The following TNFAIP3 variants were observed in gnomAD, a reference collection of about 807,000 sequenced individuals.
TNFAIP3 encodes tumor necrosis factor alpha-induced protein 3.
A neutral mutation model predicts 72.4 loss-of-function variants in TNFAIP3; 9 were observed. The observed-to-expected ratio is 0.12, with a 90% CI of 0.07 to 0.22. The LOEUF is 0.22. Ranked by LOEUF, TNFAIP3 falls within the 10% of genes least tolerant of loss-of-function variation. The probability of loss-of-function intolerance (pLI) is 1.00; values close to 1 mark genes in which losing one functional copy is unlikely to be tolerated. For synonymous variants in TNFAIP3, 339 were observed against 372.6 expected (o/e 0.91, Z 1.04); for missense variants, 833 against 1,018.7 (o/e 0.82, Z 2.48).
rs915675158 is a variant in TNFAIP3 at position 137,871,111 on chromosome 6, A to T, written c.-15-102A>T. On this transcript the variant is annotated intron_variant, in intron 1 of 8. Transcript: ENST00000612899. The surrounding 1 kb of genome is among the most constrained non-coding windows in gnomAD (Gnocchi z 4.2). Reference sequence around the variant, plus strand: ...AGATCTTTTGCCTACAGATCAGGGTAATGACAAGATCAAACACTGGGGTTT... The same window carrying T: ...AGATCTTTTGCCTACAGATCAGGGTTATGACAAGATCAAACACTGGGGTTT... 9.2e-7 allele frequency: 1 copy of T among 1,084,166 alleles called. No individual in the cohort carries two copies. The highest frequency in any genetic ancestry group is 1.3e-6 in the Non-Finnish European group (1 of 762,118). The allele number at this position is 1,084,166 out of a possible 1,614,324, so 67.2% of individuals were successfully genotyped here. A position where few individuals can be genotyped will look rare whatever the true frequency, so the allele number is the denominator to read the frequency against.
At chr6:137,873,794 C>T (rs1776139417) in intron 2 of TNFAIP3, among the ~76,000 whole-genome samples, 1 of 152,172 alleles carries the variant, frequency 6.6e-6, no homozygotes, top group Non-Finnish European at 1.5e-5. Context: ...TGAAGGAATA[C>T]TGGCTGTGGA....
chr6:137,883,168 CTTA>C lies in TNFAIP3; in HGVS notation c.*1854_*1856del, dbSNP rs1287271748. 3 of 202,162 alleles carry C rather than the reference CTTA, an allele frequency of 1.5e-5. No homozygotes were observed. The highest frequency in any genetic ancestry group is 1.6e-4 in the East Asian group (2 of 12,322). 12.5% of individuals were successfully genotyped at this position (202,162 alleles called of 1,614,324 possible). On this transcript the variant is annotated 3_prime_UTR_variant, in exon 9 of 9. Coordinates refer to ENST00000612899, the MANE Select transcript of TNFAIP3 (RefSeq NM_001270508.2). ...ATGTGAAAAAAAGTAATTATTTATACTTATTATAAAAAGTATTTGAAATTTGCA... is the reference window on the plus strand; with the variant it reads ...ATGTGAAAAAAAGTAATTATTTATACTTATAAAAAGTATTTGAAATTTGCA...
At position 137,878,618 on chromosome 6, in the gene TNFAIP3, C is replaced by T. The variant is rs769627029; in HGVS notation, c.1173C>T (p.Asn391=). Residue 391 remains asparagine, a synonymous_variant, in exon 7 of 9, where the codon AAC becomes AAT. Transcript: ENST00000612899. ...SLMDVKCETP[N]CPFFMSVNTQ... is the part of the protein sequence containing the mutation. The stretch of plus-strand genomic sequence containing the variant: ...TGGATGTAAAATGTGAAACGCCCAA[C>T]TGCCCCTTCTTCATGTCTGTGAACA... 23 of 1,614,144 alleles carry T rather than the reference C, an allele frequency of 1.4e-5. No homozygotes were observed. The highest frequency in any genetic ancestry group is 1.9e-5 in the Non-Finnish European group (23 of 1,180,054).
intron 1 of TNFAIP3, among the ~76,000 whole-genome samples, chr6:137,868,558 A>G (rs963266048): frequency 6.6e-6 from 1 of 152,182 alleles, no homozygotes; most frequent in African/African-American, 2.4e-5. Context: ...ATCAATTTCC[A>G]CAATGCAGAC....
chr6:137,879,462 C>A (rs563333924), intron 7 of TNFAIP3, 111 bp downstream of exon 7: 2 of 1,303,852 alleles, frequency 1.5e-6, no homozygotes, highest in Non-Finnish European at 2.1e-6. Context: ...ACTGTCAGGA[C>A]CTACCGTGCT....
At chr6:137,872,416 T>C (rs192678416) in intron 2 of TNFAIP3, among the ~76,000 whole-genome samples, 67 of 152,310 alleles carry the variant, frequency 4.4e-4, no homozygotes, top group Non-Finnish European at 7.4e-4. Flanking sequence ...CTCAGGTCCT[T>C]ATATCTGTGA....
rs1482254006 is a variant in TNFAIP3, at chr6:137,876,046, G to GT, written c.686dup (p.Gly231TrpfsTer23). The GT allele has an allele frequency of 6.2e-7, 1 of 1,614,144 alleles. No homozygotes were observed. The highest frequency in any genetic ancestry group is 8.5e-7 in the Non-Finnish European group (1 of 1,180,014). On this transcript the variant is annotated frameshift_variant, in exon 5 of 9. Coordinates refer to ENST00000612899, the MANE Select transcript of TNFAIP3 (RefSeq NM_001270508.2). LOFTEE classifies it high-confidence loss of function. The stretch of plus-strand genomic sequence containing the variant: ...AGGTTCCAATTTCGCCCCTTTGAAA[G>GT]TGGGTGGAATTTACTTGCCTCTCCA...
At chr6:137,869,773 T>C (rs957563267) in intron 1 of TNFAIP3, among the ~76,000 whole-genome samples, 1 of 152,220 alleles carries the variant, frequency 6.6e-6, no homozygotes, top group East Asian at 1.9e-4. Context: ...TTAACATTTT[T>C]ATTAACTGGA....
intron 1 of TNFAIP3, among the ~76,000 whole-genome samples, chr6:137,869,376 T>TGGATGGATGGAC (rs974488086): frequency 7.0e-5 from 10 of 141,974 alleles, no homozygotes; most frequent in Non-Finnish European, 1.5e-4. Flanking sequence ...GATGGATGGA[T>TGGATGGATGGAC]GGACGGACGG....
chr6:137,877,275 G>C lies in TNFAIP3; in HGVS notation c.986+19G>C. On this transcript the variant is annotated intron_variant, in intron 6 of 8. Coordinates refer to ENST00000612899, the MANE Select transcript of TNFAIP3 (RefSeq NM_001270508.2). ...CCGCAAAGTAAGCAGTTTATGTTCA[G>C]CTCTCTCCTGTGTCATCTGTAACTG... 1 of 1,593,622 alleles carries C rather than the reference G, an allele frequency of 6.3e-7. No individual in the cohort carries two copies. The highest frequency in any genetic ancestry group is 1.1e-5 in the South Asian group (1 of 88,156).
Position 137,880,240 on chromosome 6 carries a change from A to G in TNFAIP3, c.2076A>G (p.Thr692=). ...QNQRFHEAKR[T]EEQLRSSQRR... is the part of the protein sequence containing the mutation. ...AGAGATTTCATGAGGCCAAAAGGAC[A>G]GAAGAGCAACTGGTGAGACACTTGG... Residue 692 remains threonine (T), a synonymous_variant, in exon 8 of 9, where the codon ACA becomes ACG. Transcript: ENST00000612899. 6.2e-7 allele frequency: 1 copy of G among 1,614,214 alleles called. No individual in the cohort carries two copies. The highest frequency in any genetic ancestry group is 8.5e-7 in the Non-Finnish European group (1 of 1,180,046).
At position 137,871,213 on chromosome 6, in the gene TNFAIP3, G is replaced by A; in HGVS notation, c.-15G>A. On this transcript the variant is annotated splice_region_variant and 5_prime_UTR_variant, in exon 2 of 9. The change creates a new upstream start codon in the 5' untranslated region. Coordinates refer to ENST00000612899, the MANE Select transcript of TNFAIP3 (RefSeq NM_001270508.2). The surrounding 1 kb of genome is among the most constrained non-coding windows in gnomAD (Gnocchi z 4.2). ...TTTTTTTTTTTCCTTTCCTTTTCAG[G>A]TGTTGGAGAGCACAATGGCTGAACA... is the stretch of plus-strand genomic sequence containing the variant. 2.5e-6 allele frequency: 4 copies of A among 1,596,876 alleles called. No homozygotes were observed. The highest frequency in any genetic ancestry group is 3.4e-6 in the Non-Finnish European group (4 of 1,172,376).
intron 1 of TNFAIP3, among the ~76,000 whole-genome samples, chr6:137,870,956 C>T (rs1267615327): frequency 6.6e-6 from 1 of 152,232 alleles, no homozygotes; most frequent in African/African-American, 2.4e-5. Context: ...GGTTATTCCC[C>T]TCCTCCTCAG....
rs762743325 is a variant in TNFAIP3, at chr6:137,879,037, C to T, written c.1592C>T (p.Thr531Ile). The change falls in exon 7 of 9, where the codon ACA becomes ATA. Residue 531 changes from threonine (T) to isoleucine (I), a missense_variant. Around this residue, in one of 2 missense-constraint regions of TNFAIP3, gnomAD observed 587 missense variants for 657.8 expected, o/e 0.89. Transcript: ENST00000612899. ...GCCTGCCTCCAGGATGTTACCAGGACATTTAATGGGATCTGCAGTACTTGC... is the reference window on the plus strand; with the variant it reads ...GCCTGCCTCCAGGATGTTACCAGGATATTTAATGGGATCTGCAGTACTTGC... ...CQACLQDVTR[T>I]FNGICSTCFK... 2 of 1,614,124 alleles carry T rather than the reference C, an allele frequency of 1.2e-6. No individual in the cohort carries two copies. Among genetic ancestry groups the T allele is most frequent in the African/African-American group, 1.3e-5 (1 of 74,946 alleles).
At chr6:137,867,103 C>A (rs5029962), upstream of TNFAIP3, 1 of 150,860 alleles carries the variant, frequency 6.6e-6, no homozygotes, top group Non-Finnish European at 1.5e-5. This position sits in a 1 kb window ranked among gnomAD's most constrained non-coding sequence, Gnocchi z 6.0. Flanking sequence ...CCCGGTCGGG[C>A]GGAGGCCGCG....
chr6:137,879,798 G>A (rs1475630614), intron 7 of TNFAIP3, among the ~76,000 whole-genome samples: 1 of 152,184 alleles, frequency 6.6e-6, no homozygotes, highest in Non-Finnish European at 1.5e-5. Context: ...GGAAAGAAGG[G>A]TGATCAGGTA....
intron 3 of TNFAIP3, 120 bp downstream of exon 3, chr6:137,875,155 C>A: frequency 1.7e-6 from 2 of 1,170,778 alleles, no homozygotes; most frequent in Non-Finnish European, 1.2e-6. Flanking sequence ...TTTGGCTAAG[C>A]GAAGCATACT....
chr6:137,878,785 C>T lies in TNFAIP3; in HGVS notation c.1340C>T (p.Ala447Val), dbSNP rs778782828. 27 of 1,613,954 alleles carry T rather than the reference C, an allele frequency of 1.7e-5. No homozygotes were observed. The highest frequency in any genetic ancestry group is 5.3e-5 in the African/African-American group (4 of 74,918). Residue 447 changes from alanine to valine, a missense_variant, in exon 7 of 9, where the codon GCG becomes GTG. Ala to Val is a moderately conservative substitution (Grantham distance 64). Around this residue, in one of 2 missense-constraint regions of TNFAIP3, gnomAD observed 587 missense variants for 657.8 expected, o/e 0.89. Coordinates refer to ENST00000612899, the MANE Select transcript of TNFAIP3 (RefSeq NM_001270508.2). ...CGGGGAGAAGCCTATGAGCCCTTGG[C>T]GTGGAACCCTGAGGAGTCCACTGGG... ...ASRGEAYEPL[A>V]WNPEESTGGP...
intron 2 of TNFAIP3, among the ~76,000 whole-genome samples, chr6:137,872,001 G>T (rs1338259775): frequency 6.6e-6 from 1 of 152,198 alleles, no homozygotes. Context: ...CCAGTGAATG[G>T]CTGTTGAAGA....
Sources: allele counts gnomAD v4.1 joint callset (sites outside exome capture counted in the v4.1 genomes callset), GRCh38; gene constraint gnomAD v4.1.1; regional missense constraint gnomAD v4.1.1; non-coding constraint Gnocchi (gnomAD v3.1); transcripts MANE v1.5; gene names NCBI Gene and HGNC (gene_info 2026-07-23, HGNC 2026-07-21).